FARS2: variants seen among roughly 807,000 people sequenced by gnomAD.
FARS2 encodes the protein phenylalanine--tRNA ligase, mitochondrial.
In FARS2, 40 loss-of-function variants were observed where a neutral mutation model predicts 46.4. The ratio of observed to expected loss-of-function variants is 0.86; its 90% CI spans 0.67 to 1.12. The LOEUF (loss-of-function observed/expected upper bound fraction) is 1.12. Among genes scored for constraint, FARS2 ranks in the 50% most tolerant of loss-of-function variants. The probability of loss-of-function intolerance (pLI) is 0.00; values close to 1 mark genes in which losing one functional copy is unlikely to be tolerated. For missense variants in FARS2, 513 were observed against 567.9 expected (o/e 0.90, Z 0.98); for synonymous variants, 234 against 214.9 (o/e 1.09, Z -0.78).
chr6:5,392,632 G>A (rs1407666831), intron 2 of FARS2, among the ~76,000 whole-genome samples: 1 of 151,560 alleles, frequency 6.6e-6, no homozygotes, highest in African/African-American at 2.4e-5. Flanking sequence ...TGGGAGGATT[G>A]CTTGAGCCTA....
Position 5,368,450 on chromosome 6 carries a change from T to C in FARS2, c.-21-100T>C, listed in dbSNP as rs1758817403. On this transcript the variant is annotated intron_variant, in intron 1 of 6. Transcript: ENST00000274680. ...TGTGGAGGTCGTAGTGGGGGAAACATGCCAGTAGGACAAGAGGGAGCTGGT... is the reference window on the plus strand; with the variant it reads ...TGTGGAGGTCGTAGTGGGGGAAACACGCCAGTAGGACAAGAGGGAGCTGGT... 6 of 1,041,894 alleles carry C rather than the reference T, an allele frequency of 5.8e-6. No homozygotes were observed. In the South Asian group the frequency reaches 9.4e-5, roughly 16 times the overall value. 64.5% of individuals were successfully genotyped at this position (1,041,894 alleles called of 1,614,324 possible).
At chr6:5,308,156 A>G (rs1224970085) in intron 1 of FARS2, among the ~76,000 whole-genome samples, 1 of 152,206 alleles carries the variant, frequency 6.6e-6, no homozygotes, top group Non-Finnish European at 1.5e-5. Flanking sequence ...TGCCACATGC[A>G]AAGGCCTCAA....
chr6:5,252,200 T>C, the FARS2 span, among the ~76,000 whole-genome samples: 1 of 152,150 alleles, frequency 6.6e-6, no homozygotes, highest in African/African-American at 2.4e-5. Context: ...TTTCTACAGA[T>C]TTTGCAGGCT....
At chr6:5,646,019 G>A (rs1043038288) in intron 6 of FARS2, among the ~76,000 whole-genome samples, 1 of 152,168 alleles carries the variant, frequency 6.6e-6, no homozygotes, top group Admixed American at 6.5e-5. Flanking sequence ...TAGGACTGAA[G>A]GGGCATTTTT....
intron 1 of FARS2, among the ~76,000 whole-genome samples, chr6:5,288,827 A>G (rs544733174): frequency 2.6e-5 from 4 of 152,352 alleles, no homozygotes; most frequent in African/African-American, 4.8e-5. Flanking sequence ...AGTCTTTGCC[A>G]TCACTTCATT....
At chr6:5,713,911 A>G (rs1411507588) in intron 6 of FARS2, among the ~76,000 whole-genome samples, 1 of 152,230 alleles carries the variant, frequency 6.6e-6, no homozygotes, top group Admixed American at 6.5e-5. Flanking sequence ...AATTTAGTCC[A>G]TATGTTTAAA....
intron 6 of FARS2, among the ~76,000 whole-genome samples, chr6:5,670,819 C>G (rs545377301): frequency 1.6e-4 from 25 of 152,150 alleles, no homozygotes; most frequent in Non-Finnish European, 2.8e-4. Flanking sequence ...ATTTTCTTAG[C>G]AGGCTCAGTT....
chr6:5,602,396 C>G (rs1364975932), intron 5 of FARS2, among the ~76,000 whole-genome samples: 1 of 152,054 alleles, frequency 6.6e-6, no homozygotes, highest in African/African-American at 2.4e-5. Context: ...CACCTGTAAT[C>G]CCAGCACTTT....
chr6:5,589,516 T>C (rs1213547549), intron 5 of FARS2, among the ~76,000 whole-genome samples: 1 of 152,254 alleles, frequency 6.6e-6, no homozygotes, highest in East Asian at 1.9e-4. Flanking sequence ...ACCCTGCAGC[T>C]TCGCTTTGGC....
chr6:5,766,749 A>G (rs558269224), intron 6 of FARS2, among the ~76,000 whole-genome samples: 2 of 152,274 alleles, frequency 1.3e-5, no homozygotes, highest in African/African-American at 4.8e-5. Context: ...TTGTGCAACC[A>G]TCACCTCTAT....
At chr6:5,689,007 C>T (rs889143798) in intron 6 of FARS2, among the ~76,000 whole-genome samples, 15 of 152,180 alleles carry the variant, frequency 9.9e-5, no homozygotes, top group African/African-American at 3.6e-4. Context: ...TTATAGTATT[C>T]TCTGATGGTA....
At chr6:5,550,291 T>A (rs1177320517) in intron 5 of FARS2, among the ~76,000 whole-genome samples, 1 of 152,188 alleles carries the variant, frequency 6.6e-6, no homozygotes, top group East Asian at 1.9e-4. Flanking sequence ...TTTTATTTAT[T>A]TATGAGGCCA....
chr6:5,582,278 C>T (rs112232316), intron 5 of FARS2, among the ~76,000 whole-genome samples: 13 of 150,550 alleles, frequency 8.6e-5, no homozygotes, highest in African/African-American at 3.2e-4. Context: ...AACATACTTC[C>T]GGTTAATTCC....
intron 6 of FARS2, among the ~76,000 whole-genome samples, chr6:5,763,987 A>C (rs1476918811): frequency 1.3e-5 from 2 of 151,990 alleles, no homozygotes; most frequent in Admixed American, 6.5e-5. Context: ...AAAGAAACAC[A>C]GGAAATACAA....
At chr6:5,386,843 T>G (rs1025709978) in intron 2 of FARS2, among the ~76,000 whole-genome samples, 1 of 152,102 alleles carries the variant, frequency 6.6e-6, no homozygotes, top group Non-Finnish European at 1.5e-5. Flanking sequence ...GGCAGGTGCA[T>G]CTGTGTATCT....
chr6:5,660,244 C>T (rs1015418070), intron 6 of FARS2, among the ~76,000 whole-genome samples: 1 of 152,170 alleles, frequency 6.6e-6, no homozygotes, highest in Non-Finnish European at 1.5e-5. Context: ...CTGATGTTCT[C>T]AAAGAGCAAT....
At chr6:5,439,288 C>G (rs1763710491) in intron 4 of FARS2, among the ~76,000 whole-genome samples, 4 of 152,186 alleles carry the variant, frequency 2.6e-5, no homozygotes, top group Non-Finnish European at 5.9e-5. Flanking sequence ...TTCGGGCATC[C>G]TTTCCTGGGC....
chr6:5,299,067 C>G (rs1405186200), intron 1 of FARS2, among the ~76,000 whole-genome samples: 2 of 152,030 alleles, frequency 1.3e-5, no homozygotes, highest in African/African-American at 4.8e-5. Context: ...AAATATAGAT[C>G]TAGTTTATTC....
intron 6 of FARS2, among the ~76,000 whole-genome samples, chr6:5,688,114 A>G (rs968615796): frequency 5.3e-5 from 8 of 151,266 alleles, no homozygotes; most frequent in South Asian, 2.1e-4. Context: ...AGACGATGGG[A>G]TTTTCTAGAT....
Sources: allele counts gnomAD v4.1 joint callset (sites outside exome capture counted in the v4.1 genomes callset), GRCh38; gene constraint gnomAD v4.1.1; transcripts MANE v1.5; gene names NCBI Gene and HGNC (gene_info 2026-07-23, HGNC 2026-07-21).